The following PAX2 variants were observed in gnomAD, a reference collection of about 807,000 sequenced individuals.
The protein encoded by PAX2 is paired box 2.
Under a neutral mutation model 41.7 loss-of-function variants are expected in PAX2, and 9 were observed. That is an observed-to-expected ratio of 0.22 (90% CI 0.13 to 0.38). The LOEUF is 0.38. Ranked by LOEUF, PAX2 falls within the 10% of genes least tolerant of loss-of-function variation. The pLI is 1.00. For missense variants in PAX2, 418 were observed against 531.6 expected, an observed-to-expected ratio of 0.79 and a Z score of 2.10; for synonymous variants, 221 against 212.7, an observed-to-expected ratio of 1.04 and a Z score of -0.34.
intron 7 of PAX2, among the ~76,000 whole-genome samples, chr10:100,821,539 T>A (rs1039012672): frequency 7.9e-5 from 12 of 152,208 alleles, no homozygotes; most frequent in African/African-American, 2.9e-4. Flanking sequence ...AGCTGTTCAG[T>A]GGGTGACTTT....
At chr10:100,812,306 G>T (rs1001028586) in intron 7 of PAX2, among the ~76,000 whole-genome samples, 7 of 152,198 alleles carry the variant, frequency 4.6e-5, no homozygotes, top group Non-Finnish European at 7.3e-5. Context: ...CCCTTCCGCC[G>T]CTGGGCTGCT....
At chr10:100,812,303 G>A (rs903989946) in intron 7 of PAX2, among the ~76,000 whole-genome samples, 14 of 152,304 alleles carry the variant, frequency 9.2e-5, no homozygotes, top group South Asian at 2.1e-4. Flanking sequence ...TTTCCCTTCC[G>A]CCGCTGGGCT....
upstream of PAX2, among the ~76,000 whole-genome samples, chr10:100,743,519 G>A (rs545784515): frequency 3.3e-5 from 5 of 152,220 alleles, no homozygotes; most frequent in African/African-American, 7.2e-5. Flanking sequence ...CTGGGGCAAA[G>A]GTTACTTTAG....
At chr10:100,764,391 C>T (rs1845948300) in intron 3 of PAX2, among the ~76,000 whole-genome samples, 1 of 152,142 alleles carries the variant, frequency 6.6e-6, no homozygotes, top group Non-Finnish European at 1.5e-5. Flanking sequence ...ATCCACCCAC[C>T]TTGGCCTCCC....
In PAX2 at chr10:100,806,624, G is replaced by A. The variant is rs765072775; in HGVS notation, c.792+19G>A. On this transcript the variant is annotated intron_variant, in intron 6 of 9. Coordinates refer to ENST00000355243, the MANE Select transcript of PAX2 (RefSeq NM_000278.5). ...AGAACAGGTGAGGAGGGAGCTTTCT[G>A]CTTGCAGAAGTAGAAAGGAGCCGGC... 5.6e-6 allele frequency: 9 copies of A among 1,610,506 alleles called. No individual in the cohort carries two copies. In the Admixed American group the frequency reaches 1.5e-4, roughly 27 times the overall value.
intron 3 of PAX2, among the ~76,000 whole-genome samples, chr10:100,765,890 T>C (rs1198328769): frequency 2.0e-5 from 3 of 151,422 alleles, no homozygotes; most frequent in Non-Finnish European, 4.4e-5. Context: ...ATCTTATGGC[T>C]GCTTTACTCA....
At chr10:100,742,547 G>C (rs1446710786), upstream of PAX2, among the ~76,000 whole-genome samples, 4 of 152,222 alleles carry the variant, frequency 2.6e-5, no homozygotes, top group Non-Finnish European at 5.9e-5. Flanking sequence ...GATTTATTGG[G>C]CAGATCAGAT....
intron 7 of PAX2, among the ~76,000 whole-genome samples, chr10:100,814,180 C>T (rs1430198285): frequency 1.3e-5 from 2 of 151,360 alleles, no homozygotes; most frequent in Non-Finnish European, 2.9e-5. Flanking sequence ...AACCCCGTCT[C>T]CACTAAAAAA....
chr10:100,810,371 A>T (rs1278138575), intron 7 of PAX2, among the ~76,000 whole-genome samples: 1 of 152,192 alleles, frequency 6.6e-6, no homozygotes, highest in East Asian at 1.9e-4. Context: ...CCTCTCCCTA[A>T]GGGGCTGTAC....
intron 3 of PAX2, among the ~76,000 whole-genome samples, chr10:100,755,806 C>T (rs1000454280): frequency 2.0e-5 from 3 of 152,096 alleles, no homozygotes. Context: ...AGAGGGGCCA[C>T]AGGGGGAATT....
At position 100,824,685 on chromosome 10, in the gene PAX2, C is replaced by A. The variant is rs778923367; in HGVS notation, c.957C>A (p.Pro319=). The change falls in exon 8 of 10, where the codon CCC becomes CCA. Residue 319 remains proline (P), a synonymous_variant. Transcript: ENST00000355243. The surrounding 1 kb of genome is among the most constrained non-coding windows in gnomAD (Gnocchi z 6.6). The part of the protein sequence containing the change: ...DMASTTLPGY[P]PHVPPTGQGS... Reference sequence around the variant, plus strand: ...CGAGCACCACTCTGCCTGGTTACCCCCCTCACGTGCCCCCCACTGGCCAGG... The same window carrying A: ...CGAGCACCACTCTGCCTGGTTACCCACCTCACGTGCCCCCCACTGGCCAGG... 9.9e-6 allele frequency: 16 copies of A among 1,610,650 alleles called. No individual in the cohort carries two copies. Among genetic ancestry groups the A allele is most frequent in the Admixed American group, 1.7e-5 (1 of 59,994 alleles).
At chr10:100,739,253 T>G (rs1844870204) in intron 1 of PAX2, among the ~76,000 whole-genome samples, 1 of 152,068 alleles carries the variant, frequency 6.6e-6, no homozygotes, top group South Asian at 2.1e-4. Context: ...TCGCCCCTGG[T>G]CCCCTCTCCC....
upstream of PAX2, among the ~76,000 whole-genome samples, chr10:100,741,459 G>C (rs1230103956): frequency 6.6e-6 from 1 of 151,116 alleles, no homozygotes; most frequent in Non-Finnish European, 1.5e-5. Context: ...AGAGGGCCAG[G>C]CAGGGGGAAG....
intron 4 of PAX2, 127 bp from the exon 5 acceptor site, chr10:100,781,119 G>C: frequency 1.1e-6 from 1 of 883,394 alleles, no homozygotes; most frequent in South Asian, 1.3e-5. Flanking sequence ...GGAATGAGAG[G>C]AACGTGGGCT....
At chr10:100,808,772 G>T (rs906033143) in intron 6 of PAX2, among the ~76,000 whole-genome samples, 1 of 152,106 alleles carries the variant, frequency 6.6e-6, no homozygotes, top group Non-Finnish European at 1.5e-5. Flanking sequence ...CCTCCCCAAG[G>T]CTCCTCGACA....
chr10:100,777,426 A>C, intron 3 of PAX2, among the ~76,000 whole-genome samples: 2 of 125,340 alleles, frequency 1.6e-5, no homozygotes, highest in Admixed American at 8.8e-5. Context: ...ATGGAGTCTC[A>C]CTCTATTGCC....
chr10:100,769,895 C>G (rs547370251), intron 3 of PAX2, among the ~76,000 whole-genome samples: 1 of 152,046 alleles, frequency 6.6e-6, no homozygotes, highest in African/African-American at 2.4e-5. Context: ...AAGGTTTCAG[C>G]TCTGTGTTAG....
chr10:100,785,923 T>C (rs570124738), intron 5 of PAX2, among the ~76,000 whole-genome samples: 1 of 152,266 alleles, frequency 6.6e-6, no homozygotes, highest in African/African-American at 2.4e-5. Context: ...AGCTCAATCT[T>C]CTCCTCTGTA....
intron 5 of PAX2, among the ~76,000 whole-genome samples, chr10:100,800,560 C>T (rs558352766): frequency 5.3e-5 from 8 of 152,322 alleles, no homozygotes; most frequent in Non-Finnish European, 8.8e-5. Flanking sequence ...CAGGCATGAG[C>T]CACTATGCCT....
Sources: gnomAD v4.1 joint callset for allele counts (sites outside exome capture counted in the v4.1 genomes callset) on GRCh38, gnomAD v4.1.1 for gene constraint, Gnocchi (gnomAD v3.1) non-coding constraint, MANE v1.5 for transcripts, NCBI Gene and HGNC (gene_info 2026-07-23, HGNC 2026-07-21) for gene names.